The following PTPRD variants were observed in gnomAD, a reference collection of about 807,000 sequenced individuals.
The protein encoded by PTPRD is receptor-type tyrosine-protein phosphatase delta.
PTPRD carries 34 observed loss-of-function variants against 214.5 expected under a neutral mutation model. The ratio of observed to expected loss-of-function variants is 0.16; its 90% CI spans 0.12 to 0.21. The LOEUF (loss-of-function observed/expected upper bound fraction) is 0.21. Among genes scored for constraint, PTPRD ranks in the 10% least tolerant of loss-of-function variants. PTPRD has a pLI of 1.00. For missense variants in PTPRD, 2,545 were observed against 2,398.7 expected, an observed-to-expected ratio of 1.06 and a Z score of -1.27; for synonymous variants, 1,128 against 845.7, an observed-to-expected ratio of 1.33 and a Z score of -5.79.
chr9:9,801,794 C>T (rs1395565697), intron 5 of PTPRD, among the ~76,000 whole-genome samples: 3 of 151,980 alleles, frequency 2.0e-5, no homozygotes, highest in Admixed American at 2.0e-4. Flanking sequence ...ATTGACAAGG[C>T]CACTGCAAGT....
intron 9 of PTPRD, among the ~76,000 whole-genome samples, chr9:9,326,196 C>T (rs1284475332): frequency 6.6e-6 from 1 of 151,988 alleles, no homozygotes; most frequent in Non-Finnish European, 1.5e-5. Context: ...AGACAGGAGC[C>T]CATCCAGGAA....
In PTPRD at chr9:9,355,412, T is replaced by C. The variant is rs902257670; in HGVS notation, c.-203+42037A>G. On this transcript the variant is annotated intron_variant, in intron 9 of 45. Coordinates refer to ENST00000381196, the MANE Select transcript of PTPRD (RefSeq NM_002839.4). ...GAAAGAATGGGCTTAATTATGAAAATGTGTTGAAGATAGATCTTCATAGCA... is the reference window on the plus strand; with the variant it reads ...GAAAGAATGGGCTTAATTATGAAAACGTGTTGAAGATAGATCTTCATAGCA... Among the ~76,000 whole-genome samples the C allele has an allele frequency of 2.6e-5, 4 of 151,504 alleles. No homozygotes were observed. The South Asian group carries it at 8.3e-4, about 31-fold the overall frequency.
At chr9:9,641,083 T>TTAAATTAAATTATGGA (rs776298199) in intron 7 of PTPRD, among the ~76,000 whole-genome samples, 35,458 of 151,894 alleles carry the variant, frequency 0.23, 5,058 homozygotes, top group Non-Finnish European at 0.32. Flanking sequence ...TAATGAAAGC[T>TTAAATTAAATTATGGA]ATAGCTTTAA....
intron 11 of PTPRD, among the ~76,000 whole-genome samples, chr9:8,801,491 C>T (rs1013083877): frequency 2.6e-5 from 4 of 152,032 alleles, no homozygotes; most frequent in African/African-American, 4.8e-5. Context: ...CTGAGGCGGG[C>T]GGACCACCTG....
At chr9:9,285,178 T>A (rs1325357469) in intron 9 of PTPRD, among the ~76,000 whole-genome samples, 1 of 151,814 alleles carries the variant, frequency 6.6e-6, no homozygotes, top group African/African-American at 2.4e-5. Context: ...TTCAACTTTT[T>A]AATTTTTTTC....
At chr9:9,709,192 G>C (rs1564674684) in intron 7 of PTPRD, among the ~76,000 whole-genome samples, 2 of 151,892 alleles carry the variant, frequency 1.3e-5, no homozygotes. Flanking sequence ...AGTCATGAAT[G>C]CTTAGTATTT....
intron 2 of PTPRD, among the ~76,000 whole-genome samples, chr9:10,483,982 G>A (rs139032960): frequency 1.6e-3 from 239 of 152,100 alleles, no homozygotes; most frequent in African/African-American, 3.8e-3. Context: ...CATGTATATC[G>A]CAGTAAAATT....
chr9:10,603,495 C>T (rs781404949), intron 2 of PTPRD, among the ~76,000 whole-genome samples: 1 of 151,872 alleles, frequency 6.6e-6, no homozygotes, highest in Non-Finnish European at 1.5e-5. Flanking sequence ...ATCTAGATAA[C>T]TGTAGCATTT....
intron 3 of PTPRD, among the ~76,000 whole-genome samples, chr9:10,172,035 T>C (rs2099211365): frequency 6.6e-6 from 1 of 152,194 alleles, no homozygotes; most frequent in South Asian, 2.1e-4. Context: ...GTTCCAAAGA[T>C]TGGTTGGTAA....
chr9:9,871,513 A>C (rs902427707), intron 5 of PTPRD, among the ~76,000 whole-genome samples: 2 of 152,196 alleles, frequency 1.3e-5, no homozygotes, highest in African/African-American at 4.8e-5. Context: ...TGTATTTCTA[A>C]CTCTAGCTCT....
At chr9:8,332,716 C>G (rs1488192567) in intron 43 of PTPRD, among the ~76,000 whole-genome samples, 1 of 152,112 alleles carries the variant, frequency 6.6e-6, no homozygotes, top group Non-Finnish European at 1.5e-5. Context: ...TGGAAGGGAG[C>G]CTCTGTTTAT....
At chr9:8,390,144 C>T (rs773956127) in intron 36 of PTPRD, among the ~76,000 whole-genome samples, 1 of 152,150 alleles carries the variant, frequency 6.6e-6, no homozygotes, top group Non-Finnish European at 1.5e-5. Context: ...TACTTTTGTC[C>T]TCTCCAGTTT....
chr9:9,072,008 T>TC (rs1272383671), intron 10 of PTPRD, among the ~76,000 whole-genome samples: 1 of 152,140 alleles, frequency 6.6e-6, no homozygotes, highest in Non-Finnish European at 1.5e-5. Flanking sequence ...CACAGTCATA[T>TC]CAGAGCTCCT....
chr9:9,154,210 G>A (rs935384200), intron 10 of PTPRD, among the ~76,000 whole-genome samples: 4 of 152,256 alleles, frequency 2.6e-5, no homozygotes, highest in Admixed American at 2.6e-4. Flanking sequence ...TTACAGACTT[G>A]TGAATGAGAA....
At chr9:8,939,424 C>A (rs576270540) in intron 11 of PTPRD, among the ~76,000 whole-genome samples, 1 of 152,048 alleles carries the variant, frequency 6.6e-6, no homozygotes, top group Non-Finnish European at 1.5e-5. Flanking sequence ...TTGAAAGATA[C>A]AAAGTTCTGT....
At chr9:9,286,605 A>G (rs1366812764) in intron 9 of PTPRD, among the ~76,000 whole-genome samples, 4 of 151,588 alleles carry the variant, frequency 2.6e-5, no homozygotes, top group Non-Finnish European at 5.9e-5. Context: ...TCACTCAAAT[A>G]AAACATGCTC....
At chr9:9,127,932 A>C (rs961703277) in intron 10 of PTPRD, among the ~76,000 whole-genome samples, 1 of 152,188 alleles carries the variant, frequency 6.6e-6, no homozygotes, top group African/African-American at 2.4e-5. Flanking sequence ...TCTGGTCTAC[A>C]AGGTACCCCA....
Position 10,313,397 on chromosome 9 carries a change from T to C in PTPRD, c.-545+27566A>G, listed in dbSNP as rs1027488208. ...GACATGGTCAGAGACAGGTACAGAT[T>C]ACACACACACACACACACACAAATT... On this transcript the variant is annotated intron_variant, in intron 3 of 45. Coordinates refer to ENST00000381196, the MANE Select transcript of PTPRD (RefSeq NM_002839.4). Among the ~76,000 whole-genome samples, 68 of 148,448 alleles carry C rather than the reference T, an allele frequency of 4.6e-4. No homozygotes were observed. The South Asian group carries it at 0.014, about 31-fold the overall frequency.
At chr9:9,560,553 C>T (rs1359502748) in intron 8 of PTPRD, among the ~76,000 whole-genome samples, 3 of 152,310 alleles carry the variant, frequency 2.0e-5, no homozygotes, top group East Asian at 1.9e-4. Context: ...CCACTGCCAC[C>T]GGGTACCACA....
Sources: allele counts gnomAD v4.1 joint callset (sites outside exome capture counted in the v4.1 genomes callset), GRCh38; gene constraint gnomAD v4.1.1; transcripts MANE v1.5; gene names NCBI Gene and HGNC (gene_info 2026-07-23, HGNC 2026-07-21).